The following SLC15A2 variants were observed in gnomAD, a reference collection of about 807,000 sequenced individuals.
SLC15A2 encodes solute carrier family 15 member 2, also known as kidney H(+)/peptide cotransporter.
Under a neutral mutation model 95.5 loss-of-function variants are expected in SLC15A2, and 77 were observed. The observed-to-expected ratio is 0.81, with a 90% CI of 0.67 to 0.97. The LOEUF (loss-of-function observed/expected upper bound fraction) is 0.97, where lower values mean the gene tolerates loss of function less well. SLC15A2 is among the 50% of genes least tolerant of loss of function. The probability of loss-of-function intolerance (pLI) is 0.00; values close to 1 mark genes in which losing one functional copy is unlikely to be tolerated. For missense variants in SLC15A2, 893 were observed against 874.4 expected, an observed-to-expected ratio of 1.02 and a Z score of -0.27; for synonymous variants, 306 against 306.9, an observed-to-expected ratio of 1.00 and a Z score of 0.03.
At chr3:121,909,881 T>C (rs998209610) in intron 3 of SLC15A2, among the ~76,000 whole-genome samples, 1 of 152,142 alleles carries the variant, frequency 6.6e-6, no homozygotes, top group African/African-American at 2.4e-5. Flanking sequence ...ACAATATATC[T>C]TCCAATGTGG....
At chr3:121,905,612 T>A (rs1216600475) in intron 3 of SLC15A2, among the ~76,000 whole-genome samples, 2 of 152,222 alleles carry the variant, frequency 1.3e-5, no homozygotes, top group Non-Finnish European at 2.9e-5. Flanking sequence ...ATTTACCCAG[T>A]AGTCATTCAG....
At chr3:121,915,774 C>A in intron 7 of SLC15A2, 81 bp downstream of exon 7, 1 of 959,130 alleles carries the variant, frequency 1.0e-6, no homozygotes, top group Non-Finnish European at 1.7e-6. Flanking sequence ...TTTACACAAG[C>A]TGTTTCATTC....
chr3:121,904,452 G>A (rs1396291866), intron 3 of SLC15A2, among the ~76,000 whole-genome samples: 1 of 152,188 alleles, frequency 6.6e-6, no homozygotes, highest in Non-Finnish European at 1.5e-5. Context: ...AATGCTTCCA[G>A]TTCTTGCCCA....
At chr3:121,929,453 C>T (rs1559852232) in intron 17 of SLC15A2, 105 bp downstream of exon 17, 9 of 1,227,032 alleles carry the variant, frequency 7.3e-6, no homozygotes, top group South Asian at 4.0e-5. Flanking sequence ...AATTCCCTCT[C>T]GTAGAATGCC....
intron 18 of SLC15A2, 25 bp from the exon 19 acceptor site, chr3:121,931,614 C>A: frequency 6.8e-7 from 1 of 1,477,286 alleles, no homozygotes; most frequent in Non-Finnish European, 9.5e-7. Context: ...GATATTTATT[C>A]TAACCTAAAT....
chr3:121,915,800 C>A, intron 7 of SLC15A2, 107 bp downstream of exon 7: 2 of 760,392 alleles, frequency 2.6e-6, no homozygotes, highest in Non-Finnish European at 2.3e-6. Flanking sequence ...TCACACCAGG[C>A]CTATTGGGTA....
At chr3:121,895,186 T>C (rs1709394568) in intron 1 of SLC15A2, among the ~76,000 whole-genome samples, 1 of 152,218 alleles carries the variant, frequency 6.6e-6, no homozygotes, top group South Asian at 2.1e-4. Context: ...TACTGAGTTC[T>C]TACAGTGGGC....
At chr3:121,925,350 T>C (rs925424436) in intron 13 of SLC15A2, among the ~76,000 whole-genome samples, 1 of 152,146 alleles carries the variant, frequency 6.6e-6, no homozygotes, top group African/African-American at 2.4e-5. Context: ...TTCTTGAATG[T>C]TGTCTCTTCA....
chr3:121,917,612 C>T (rs897433453), intron 7 of SLC15A2, among the ~76,000 whole-genome samples: 2 of 152,002 alleles, frequency 1.3e-5, no homozygotes, highest in African/African-American at 4.8e-5. Flanking sequence ...CGCTTGAGCC[C>T]AGAAGGTCAA....
intron 1 of SLC15A2, 82 bp downstream of exon 1, chr3:121,894,663 G>T: frequency 9.4e-7 from 1 of 1,058,462 alleles, no homozygotes; most frequent in East Asian, 2.4e-5. Context: ...GGAGCTTCCA[G>T]CTGAGCTGTA....
Position 121,927,811 on chromosome 3 carries a change from T to C in SLC15A2, c.1178T>C (p.Val393Ala), listed in dbSNP as rs748520943. The C allele has an allele frequency of 6.2e-7, 1 of 1,613,884 alleles. No homozygotes were observed. ...GMILACLAFA[V>A]AAAVEIKINE... ...ATCCTAGCATGCCTGGCATTTGCAG[T>C]TGCGGCAGCTGTAGAGATAAAAATA... The change falls in exon 14 of 22, where the codon GTT becomes GCT. Residue 393 changes from valine to alanine, a missense_variant. Val to Ala is a moderately conservative substitution (Grantham distance 64, BLOSUM62 0). Transcript: ENST00000489711.
chr3:121,907,743 A>G (rs766790895), intron 3 of SLC15A2, among the ~76,000 whole-genome samples: 153 of 152,302 alleles, frequency 1.0e-3, no homozygotes, highest in Non-Finnish European at 1.9e-3. Context: ...CTTCCTCTGG[A>G]AACTTCGTCC....
intron 3 of SLC15A2, among the ~76,000 whole-genome samples, chr3:121,903,323 T>C (rs1440408536): frequency 2.6e-5 from 4 of 152,258 alleles, no homozygotes; most frequent in Admixed American, 2.0e-4. Flanking sequence ...TGATGGTAGT[T>C]GCTTTTGCTG....
At chr3:121,936,367 T>C (rs1559854986) in intron 19 of SLC15A2, among the ~76,000 whole-genome samples, 3 of 152,180 alleles carry the variant, frequency 2.0e-5, no homozygotes. Flanking sequence ...CAGTGGGGTG[T>C]TAAAGTCTCC....
intron 7 of SLC15A2, among the ~76,000 whole-genome samples, chr3:121,919,582 A>G (rs1046706472): frequency 1.3e-5 from 2 of 152,178 alleles, no homozygotes; most frequent in African/African-American, 4.8e-5. Context: ...GAGAGAGAGG[A>G]TAAGACGGAG....
At chr3:121,932,235 G>A (rs1341090685) in intron 19 of SLC15A2, among the ~76,000 whole-genome samples, 10 of 152,148 alleles carry the variant, frequency 6.6e-5, no homozygotes, top group Non-Finnish European at 1.5e-4. Flanking sequence ...CACTGTCTCT[G>A]TAGGGGTTGT....
chr3:121,919,814 A>G (rs1709970549), intron 7 of SLC15A2, among the ~76,000 whole-genome samples: 1 of 152,244 alleles, frequency 6.6e-6, no homozygotes, highest in East Asian at 1.9e-4. Flanking sequence ...TGTGAATATT[A>G]TTAGGAATAA....
At chr3:121,928,144 A>C (rs1576687287) in intron 14 of SLC15A2, 1 of 533,490 alleles carries the variant, frequency 1.9e-6, no homozygotes, top group South Asian at 2.8e-5. Flanking sequence ...TCAAGTAAAA[A>C]CCTTTTGGCA....
chr3:121,935,658 T>C (rs1710328584), intron 19 of SLC15A2, among the ~76,000 whole-genome samples: 1 of 144,544 alleles, frequency 6.9e-6, no homozygotes, highest in South Asian at 2.1e-4. Context: ...TCTCTCTTTT[T>C]TTCTTTATTA....
Sources: gnomAD v4.1 joint callset for allele counts (sites outside exome capture counted in the v4.1 genomes callset) on GRCh38, gnomAD v4.1.1 for gene constraint, MANE v1.5 for transcripts, NCBI Gene and HGNC (gene_info 2026-07-23, HGNC 2026-07-21) for gene names.